The following THRB variants were observed in gnomAD, a reference collection of about 807,000 sequenced individuals.
THRB encodes the protein nuclear receptor subfamily 1 group A member 2.
A neutral mutation model predicts 47.8 loss-of-function variants in THRB; 12 were observed. That is an observed-to-expected ratio of 0.25 (90% CI 0.16 to 0.41). The LOEUF is 0.41. Among genes scored for constraint, THRB ranks in the 10% least tolerant of loss-of-function variants. The pLI is 1.00. For missense variants in THRB, 348 were observed against 589.2 expected (o/e 0.59, Z 4.24); for synonymous variants, 218 against 212.2 (o/e 1.03, Z -0.24).
chr3:24,165,170 G>C (rs1276712626), intron 5 of THRB: 2 of 765,070 alleles, frequency 2.6e-6, no homozygotes. Flanking sequence ...GTAACTACAG[G>C]TATAAGGCTG....
At chr3:24,282,957 A>G (rs573074444) in intron 3 of THRB, among the ~76,000 whole-genome samples, 1 of 152,054 alleles carries the variant, frequency 6.6e-6, no homozygotes, top group African/African-American at 2.4e-5. Context: ...CTTACCAACG[A>G]AAGAGTCCAG....
chr3:24,137,141 C>T (rs1451746055), intron 8 of THRB, among the ~76,000 whole-genome samples: 3 of 152,168 alleles, frequency 2.0e-5, no homozygotes, highest in Non-Finnish European at 4.4e-5. Context: ...AAGTACACAC[C>T]AAAGATATGA....
intron 8 of THRB, among the ~76,000 whole-genome samples, chr3:24,139,408 T>C (rs1353554034): frequency 2.7e-5 from 4 of 147,090 alleles, no homozygotes; most frequent in Non-Finnish European, 6.0e-5. Flanking sequence ...TTTTGAGACA[T>C]GGTTTTACTC....
At chr3:24,133,085 G>T (rs1259291326) in intron 9 of THRB, among the ~76,000 whole-genome samples, 1 of 152,182 alleles carries the variant, frequency 6.6e-6, no homozygotes, top group Non-Finnish European at 1.5e-5. Flanking sequence ...GGAATCAGGG[G>T]GATGAATAGG....
intron 3 of THRB, among the ~76,000 whole-genome samples, chr3:24,294,358 A>G (rs957991937): frequency 1.3e-5 from 2 of 152,192 alleles, no homozygotes; most frequent in Non-Finnish European, 2.9e-5. Context: ...GAGGTAAAAA[A>G]TAGTTGTTTA....
intron 3 of THRB, among the ~76,000 whole-genome samples, chr3:24,274,590 T>C (rs1206704656): frequency 6.6e-6 from 1 of 152,192 alleles, no homozygotes; most frequent in Non-Finnish European, 1.5e-5. Flanking sequence ...CCCTTCTCTC[T>C]TTCTTGTCTA....
At chr3:24,319,812 T>C (rs1319689884) in intron 2 of THRB, among the ~76,000 whole-genome samples, 1 of 152,222 alleles carries the variant, frequency 6.6e-6, no homozygotes, top group Non-Finnish European at 1.5e-5. Context: ...GAATGGGTCA[T>C]ATACACCCTT....
chr3:24,294,135 C>A (rs1264858118), intron 3 of THRB, among the ~76,000 whole-genome samples: 3 of 152,172 alleles, frequency 2.0e-5, no homozygotes, highest in African/African-American at 2.4e-5. Flanking sequence ...CACTTTTATA[C>A]TCTTTTGGAA....
intron 3 of THRB, among the ~76,000 whole-genome samples, chr3:24,263,987 G>C (rs974189993): frequency 6.6e-6 from 1 of 152,108 alleles, no homozygotes; most frequent in Admixed American, 6.6e-5. Flanking sequence ...CTTGGCATTG[G>C]CAGAACATAT....
At chr3:24,317,946 T>A (rs146233831) in intron 2 of THRB, among the ~76,000 whole-genome samples, 1 of 152,216 alleles carries the variant, frequency 6.6e-6, no homozygotes, top group Non-Finnish European at 1.5e-5. Context: ...GAGTCCCAGC[T>A]ACCTGGGAGA....
At chr3:24,194,876 G>A (rs1444968044) in intron 4 of THRB, among the ~76,000 whole-genome samples, 2 of 152,184 alleles carry the variant, frequency 1.3e-5, no homozygotes, top group African/African-American at 4.8e-5. Flanking sequence ...ATGACAAAGT[G>A]GTCAGAAGGG....
chr3:24,125,613 G>A (rs1366113810), intron 10 of THRB, among the ~76,000 whole-genome samples: 1 of 152,106 alleles, frequency 6.6e-6, no homozygotes, highest in East Asian at 1.9e-4. Flanking sequence ...ATTTCTTTGA[G>A]ACTAATTCTC....
intron 2 of THRB, among the ~76,000 whole-genome samples, chr3:24,310,965 A>G (rs1374596122): frequency 4.6e-5 from 7 of 152,190 alleles, no homozygotes; most frequent in South Asian, 2.1e-4. Context: ...GAAGCCTTCA[A>G]CTAAAGTGGG....
intron 3 of THRB, among the ~76,000 whole-genome samples, chr3:24,244,320 CAG>C (rs759377107): frequency 6.6e-6 from 1 of 152,126 alleles, no homozygotes; most frequent in African/African-American, 2.4e-5. Flanking sequence ...GTGTTAAAGA[CAG>C]AGCTGAAAAA....
intron 3 of THRB, among the ~76,000 whole-genome samples, chr3:24,286,908 C>A (rs2055365896): frequency 6.6e-6 from 1 of 152,148 alleles, no homozygotes; most frequent in Non-Finnish European, 1.5e-5. Context: ...GAGAGTGGGG[C>A]TTAAAATGAC....
At chr3:24,240,439 C>T (rs1441931076) in intron 3 of THRB, among the ~76,000 whole-genome samples, 2 of 152,144 alleles carry the variant, frequency 1.3e-5, no homozygotes, top group Non-Finnish European at 2.9e-5. Context: ...TGCAGTAAGT[C>T]AGATTATCAC....
At chr3:24,372,093 T>G (rs1372498244) in intron 1 of THRB, among the ~76,000 whole-genome samples, 1 of 152,096 alleles carries the variant, frequency 6.6e-6, no homozygotes, top group Non-Finnish European at 1.5e-5. Flanking sequence ...GTGAGACAGA[T>G]GGAGCAGGTA....
At chr3:24,288,856 T>C (rs2055617960) in intron 3 of THRB, among the ~76,000 whole-genome samples, 1 of 152,214 alleles carries the variant, frequency 6.6e-6, no homozygotes. Flanking sequence ...TGTGAAACTT[T>C]TGTTTGATTT....
At chr3:24,197,113 G>T (rs1288011563) in intron 4 of THRB, among the ~76,000 whole-genome samples, 1 of 152,208 alleles carries the variant, frequency 6.6e-6, no homozygotes, top group Non-Finnish European at 1.5e-5. Flanking sequence ...TTTGCAAAGA[G>T]AAAACTATTT....
Sources: allele counts gnomAD v4.1 joint callset (sites outside exome capture counted in the v4.1 genomes callset), GRCh38; gene constraint gnomAD v4.1.1; transcripts MANE v1.5; gene names NCBI Gene and HGNC (gene_info 2026-07-23, HGNC 2026-07-21).